Variants in ADD3 observed in about 807,000 individuals in gnomAD.
ADD3 encodes the protein adducin 3.
ADD3 carries 25 observed loss-of-function variants against 80.2 expected under a neutral mutation model. That is an observed-to-expected ratio of 0.31 (90% CI 0.23 to 0.44). ADD3 has a LOEUF of 0.44. Among genes scored for constraint, ADD3 ranks in the 20% least tolerant of loss-of-function variants. The pLI, the probability that ADD3 is intolerant of heterozygous loss-of-function variation, is 1.00. For synonymous variants in ADD3, 284 were observed against 289.6 expected (o/e 0.98, Z 0.20); for missense variants, 829 against 847.5 (o/e 0.98, Z 0.27).
chr10:110,094,680 C>A (rs1847948685), intron 1 of ADD3, among the ~76,000 whole-genome samples: 2 of 152,088 alleles, frequency 1.3e-5, no homozygotes, highest in African/African-American at 4.8e-5. Flanking sequence ...CAGCTCATGT[C>A]TTTTAGAACT....
intron 1 of ADD3, 21 bp from the exon 2 acceptor site, chr10:110,100,601 CCTT>C: frequency 1.4e-6 from 2 of 1,394,322 alleles, no homozygotes; most frequent in Admixed American, 2.8e-5. Flanking sequence ...TCATGGATGT[CCTT>C]CTTTGTGTTT....
chr10:110,014,053 A>G (rs1852637444), intron 1 of ADD3, among the ~76,000 whole-genome samples: 1 of 152,218 alleles, frequency 6.6e-6, no homozygotes, highest in Non-Finnish European at 1.5e-5. Flanking sequence ...TTGATTTGCT[A>G]GAATGACTAA....
chr10:110,085,554 G>T (rs1168421101), intron 1 of ADD3, among the ~76,000 whole-genome samples: 1 of 152,158 alleles, frequency 6.6e-6, no homozygotes, highest in Non-Finnish European at 1.5e-5. Flanking sequence ...GTGGTAATTG[G>T]TAGAAGTCCA....
At chr10:110,101,956 T>C (rs878970601) in intron 2 of ADD3, among the ~76,000 whole-genome samples, 3 of 152,156 alleles carry the variant, frequency 2.0e-5, no homozygotes, top group Non-Finnish European at 4.4e-5. Context: ...GTAGCCCTGG[T>C]AAATCATTTT....
At chr10:110,080,328 C>T (rs1277491920) in intron 1 of ADD3, among the ~76,000 whole-genome samples, 1 of 152,136 alleles carries the variant, frequency 6.6e-6, no homozygotes, top group Non-Finnish European at 1.5e-5. Context: ...CACCCAACTT[C>T]AATATTTATG....
intron 1 of ADD3, among the ~76,000 whole-genome samples, chr10:110,086,929 A>G (rs2501577): frequency 0.37 from 55,662 of 152,192 alleles, 15,769 homozygotes; most frequent in African/African-American, 0.78. Context: ...AACCTGCAAG[A>G]TGTGGGTTCA....
At chr10:110,116,158 A>T in intron 3 of ADD3, 101 bp from the exon 4 acceptor site, 1 of 1,094,378 alleles carries the variant, frequency 9.1e-7, no homozygotes, top group East Asian at 2.4e-5. Flanking sequence ...TATTATATAC[A>T]AGGCTGGGAT....
intron 1 of ADD3, among the ~76,000 whole-genome samples, chr10:110,086,355 A>G (rs913484054): frequency 6.6e-6 from 1 of 152,120 alleles, no homozygotes; most frequent in Non-Finnish European, 1.5e-5. Context: ...GGTTGCAGTG[A>G]GCCGAGATCA....
intron 1 of ADD3, among the ~76,000 whole-genome samples, chr10:110,025,016 C>T (rs1394680581): frequency 6.6e-6 from 1 of 151,610 alleles, no homozygotes; most frequent in Non-Finnish European, 1.5e-5. Context: ...GCCTCAGCCT[C>T]CTGAATAGCT....
intron 1 of ADD3, among the ~76,000 whole-genome samples, chr10:110,048,759 A>G: frequency 6.6e-6 from 1 of 152,190 alleles, no homozygotes; most frequent in African/African-American, 2.4e-5. Flanking sequence ...TTCAGTTTTG[A>G]AAGGGAAATA....
At chr10:110,130,306 A>T (rs1852790727) in intron 12 of ADD3, 57 bp from the exon 13 acceptor site, 1 of 1,548,972 alleles carries the variant, frequency 6.5e-7, no homozygotes, top group Non-Finnish European at 8.9e-7. Context: ...GGATGGATGG[A>T]TAGATATATA....
intron 1 of ADD3, among the ~76,000 whole-genome samples, chr10:110,087,522 G>A (rs1846936438): frequency 6.6e-6 from 1 of 152,170 alleles, no homozygotes; most frequent in African/African-American, 2.4e-5. Flanking sequence ...CATCTGATGT[G>A]ACAAGAATGT....
chr10:110,079,461 AGTGTGTGTGTGTGTGTGTGTGT>A (rs1164637976), intron 1 of ADD3, among the ~76,000 whole-genome samples: 10 of 97,434 alleles, frequency 1.0e-4, no homozygotes, highest in African/African-American at 4.6e-5. Context: ...AGAGAGAGAG[AGTGTGTGTGTGTGTGTGTGTGT>A]GTGTGTGTGT....
intron 1 of ADD3, among the ~76,000 whole-genome samples, chr10:110,091,510 TCAA>T: frequency 6.6e-6 from 1 of 152,126 alleles, no homozygotes; most frequent in East Asian, 1.9e-4. Flanking sequence ...TTTGACAAAG[TCAA>T]CAATAACAAG....
At chr10:110,068,865 G>A (rs986202629) in intron 1 of ADD3, among the ~76,000 whole-genome samples, 12 of 151,974 alleles carry the variant, frequency 7.9e-5, no homozygotes, top group Admixed American at 6.6e-4. Context: ...TCACTTGAGC[G>A]CAGGAGTTTG....
chr10:110,078,881 G>A (rs1298189482), intron 1 of ADD3, among the ~76,000 whole-genome samples: 10 of 152,150 alleles, frequency 6.6e-5, no homozygotes, highest in African/African-American at 2.4e-5. Flanking sequence ...CGAATTTGCT[G>A]TTAAATATTG....
At chr10:110,131,642 T>C (rs1423918794) in intron 13 of ADD3, among the ~76,000 whole-genome samples, 1 of 152,220 alleles carries the variant, frequency 6.6e-6, no homozygotes, top group East Asian at 1.9e-4. Flanking sequence ...TCCTGATTCA[T>C]TAATGTAATT....
intron 4 of ADD3, 115 bp downstream of exon 4, chr10:110,116,525 T>G: frequency 9.5e-7 from 1 of 1,058,082 alleles, no homozygotes; most frequent in Non-Finnish European, 1.4e-6. Context: ...AAACCTAGTA[T>G]GCTAGATCAC....
At chr10:110,132,460 T>G in intron 14 of ADD3, 60 bp downstream of exon 14, 1 of 1,202,332 alleles carries the variant, frequency 8.3e-7, no homozygotes, top group Middle Eastern at 1.9e-4. Flanking sequence ...TGTCCCTCTG[T>G]GTTTTGTTTT....
Sources: gnomAD v4.1 joint callset for allele counts (sites outside exome capture counted in the v4.1 genomes callset) on GRCh38, gnomAD v4.1.1 for gene constraint, MANE v1.5 for transcripts, NCBI Gene and HGNC (gene_info 2026-07-23, HGNC 2026-07-21) for gene names.